ATP9A: variants seen among roughly 807,000 people sequenced by gnomAD.
ATP9A encodes probable phospholipid-transporting ATPase IIA.
In ATP9A, 52 loss-of-function variants were observed where a neutral mutation model predicts 144.1. The observed-to-expected ratio is 0.36, with a 90% CI of 0.29 to 0.45. The LOEUF is 0.45. ATP9A is among the 20% of genes least tolerant of loss of function. ATP9A has a pLI of 1.00. For missense variants in ATP9A, 947 were observed against 1,392.7 expected (o/e 0.68, Z 5.09); for synonymous variants, 582 against 557.4 (o/e 1.04, Z -0.62).
At chr20:51,681,507 C>T (rs149704079) in intron 9 of ATP9A, among the ~76,000 whole-genome samples, 108 of 149,092 alleles carry the variant, frequency 7.2e-4, no homozygotes, top group African/African-American at 2.4e-3. Context: ...TTACAACCTC[C>T]GCCTCCCAGG....
At chr20:51,730,349 T>C (rs8125329) in intron 1 of ATP9A, among the ~76,000 whole-genome samples, 10,268 of 152,116 alleles carry the variant, frequency 0.068, 790 homozygotes, top group African/African-American at 0.19. Flanking sequence ...GTGCCTGTAA[T>C]CCCAGCTACT....
intron 3 of ATP9A, among the ~76,000 whole-genome samples, chr20:51,724,858 C>A (rs903480739): frequency 6.6e-6 from 1 of 152,198 alleles, no homozygotes; most frequent in African/African-American, 2.4e-5. Flanking sequence ...CACTCAAATA[C>A]TCTACATTGG....
chr20:51,760,475 C>A (rs919757835), intron 1 of ATP9A, among the ~76,000 whole-genome samples: 3 of 152,062 alleles, frequency 2.0e-5, no homozygotes, highest in African/African-American at 4.8e-5. Context: ...ATCTGTAATC[C>A]CAGCACTTTG....
intron 14 of ATP9A, among the ~76,000 whole-genome samples, chr20:51,643,259 A>G (rs1288046354): frequency 6.6e-6 from 1 of 152,224 alleles, no homozygotes; most frequent in Non-Finnish European, 1.5e-5. Context: ...AGAAAGGACC[A>G]ATCAAGTAGT....
At chr20:51,647,361 C>T (rs2077346171) in intron 14 of ATP9A, among the ~76,000 whole-genome samples, 1 of 152,000 alleles carries the variant, frequency 6.6e-6, no homozygotes, top group African/African-American at 2.4e-5. Flanking sequence ...CCAGCCTAGC[C>T]AACATGGTGA....
chr20:51,744,085 A>G (rs570483904), intron 1 of ATP9A, among the ~76,000 whole-genome samples: 4 of 152,314 alleles, frequency 2.6e-5, no homozygotes, highest in African/African-American at 7.2e-5. Flanking sequence ...CAGCCATTCA[A>G]CTAGGTTAAA....
At chr20:51,764,496 G>T (rs573501581) in intron 1 of ATP9A, among the ~76,000 whole-genome samples, 1 of 152,170 alleles carries the variant, frequency 6.6e-6, no homozygotes, top group African/African-American at 2.4e-5. Context: ...GCACGTCTTC[G>T]CAACATTCGC....
intron 14 of ATP9A, among the ~76,000 whole-genome samples, chr20:51,640,664 TCAGCCAGAC>T (rs2077315061): frequency 6.6e-6 from 1 of 152,160 alleles, no homozygotes; most frequent in Admixed American, 6.5e-5. Flanking sequence ...TCTCATGGCC[TCAGCCAGAC>T]ATACTCAGCT....
At chr20:51,668,177 GA>G (rs11484091) in intron 13 of ATP9A, among the ~76,000 whole-genome samples, 3,020 of 53,736 alleles carry the variant, frequency 0.056, 65 homozygotes, top group Non-Finnish European at 0.088. Context: ...AAGGGAGAAG[GA>G]AAAAAAAAAA....
At chr20:51,650,290 C>G (rs1305567100) in intron 14 of ATP9A, among the ~76,000 whole-genome samples, 2 of 152,170 alleles carry the variant, frequency 1.3e-5, no homozygotes, top group Non-Finnish European at 2.9e-5. Flanking sequence ...ACTCTCAGCA[C>G]TTTGGGAGGC....
chr20:51,629,108 AG>A (rs752783283), intron 15 of ATP9A, 36 bp from the exon 16 acceptor site: 5 of 1,546,366 alleles, frequency 3.2e-6, no homozygotes, highest in Non-Finnish European at 4.5e-6. Flanking sequence ...AGAAACTGAA[AG>A]GAACACCCTC....
At chr20:51,606,961 T>C (rs892746808) in intron 26 of ATP9A, among the ~76,000 whole-genome samples, 1 of 150,400 alleles carries the variant, frequency 6.6e-6, no homozygotes, top group Non-Finnish European at 1.5e-5. Flanking sequence ...CTACAAAACA[T>C]ACATAAAAAT....
rs1041621268 is a variant in ATP9A, at chr20:51,651,315, T to G, written c.1506+5623A>C. Among the ~76,000 whole-genome samples the G allele has an allele frequency of 1.3e-4, 18 of 135,796 alleles. No individual in the cohort carries two copies. The South Asian group carries it at 1.7e-3, about 13-fold the overall frequency. The allele number at this position is 135,796 out of a possible 152,430, so 89.1% of individuals were successfully genotyped here. On this transcript the variant is annotated intron_variant, in intron 14 of 27. Transcript: ENST00000338821. ...ATATAATATATATTTACATAATATA[T>G]TATATAATATATATTTACATAATAT...
At chr20:51,616,683 A>G (rs2077204249) in intron 22 of ATP9A, among the ~76,000 whole-genome samples, 1 of 152,190 alleles carries the variant, frequency 6.6e-6, no homozygotes, top group Non-Finnish European at 1.5e-5. Flanking sequence ...TAGAGGTCAC[A>G]AATTAGGGCC....
chr20:51,764,314 C>A lies in ATP9A; in HGVS notation c.68+3988G>T, dbSNP rs952932463. 2.6e-5 allele frequency among the ~76,000 whole-genome samples: 4 copies of A among 152,354 alleles called. No individual in the cohort carries two copies. The East Asian group carries it at 7.7e-4, about 29-fold the overall frequency. On this transcript the variant is annotated intron_variant, in intron 1 of 27. Coordinates refer to ENST00000338821, the MANE Select transcript of ATP9A (RefSeq NM_006045.3). ...TGCCATTTCACCACAAGAGGAGCTC[C>A]ATTCAGCCATAAGCAAAGGGCATGA...
At chr20:51,625,609 G>A (rs2122729239) in intron 17 of ATP9A, among the ~76,000 whole-genome samples, 1 of 152,248 alleles carries the variant, frequency 6.6e-6, no homozygotes, top group East Asian at 1.9e-4. Context: ...CTTCCAGCAA[G>A]TCACTTAACC....
intron 4 of ATP9A, among the ~76,000 whole-genome samples, chr20:51,711,299 G>A (rs958736807): frequency 2.6e-5 from 4 of 152,020 alleles, no homozygotes; most frequent in Admixed American, 2.0e-4. Context: ...CATACCCTTG[G>A]GAAATATAAT....
intron 13 of ATP9A, among the ~76,000 whole-genome samples, chr20:51,660,372 G>C (rs1421282295): frequency 6.6e-6 from 1 of 152,162 alleles, no homozygotes; most frequent in African/African-American, 2.4e-5. Flanking sequence ...CAGAGCCATG[G>C]GATTTTGTAT....
At chr20:51,700,993 G>T (rs771150149) in intron 4 of ATP9A, among the ~76,000 whole-genome samples, 9 of 151,106 alleles carry the variant, frequency 6.0e-5, no homozygotes, top group Non-Finnish European at 8.8e-5. Context: ...GCTCAGGAAG[G>T]TATTACTTGA....
Sources: allele counts gnomAD v4.1 joint callset (sites outside exome capture counted in the v4.1 genomes callset), GRCh38; gene constraint gnomAD v4.1.1; transcripts MANE v1.5; gene names NCBI Gene and HGNC (gene_info 2026-07-23, HGNC 2026-07-21).